LARGE1: variants seen among roughly 807,000 people sequenced by gnomAD.
LARGE1 encodes xylosyl- and glucuronyltransferase LARGE1.
A neutral mutation model predicts 87.6 loss-of-function variants in LARGE1; 43 were observed. The ratio of observed to expected loss-of-function variants is 0.49; its 90% CI spans 0.38 to 0.63. LARGE1 has a LOEUF of 0.63. LARGE1 is among the 30% of genes least tolerant of loss of function. The pLI is 0.00. For synonymous variants in LARGE1, 434 were observed against 394.6 expected (o/e 1.10, Z -1.18); for missense variants, 802 against 1,000.2 (o/e 0.80, Z 2.67).
In LARGE1 at chr22:33,231,411, T is replaced by G. The variant is rs892022629; in HGVS notation, c.1731-64579A>C. Among the ~76,000 whole-genome samples the G allele has an allele frequency of 2.0e-5, 3 of 152,202 alleles. No homozygotes were observed. In the South Asian group the frequency reaches 6.2e-4, roughly 32 times the overall value. On this transcript the variant is annotated intron_variant, in intron 11 of 11. Transcript: ENST00000608642. ...CAATACCTAACTATAGAAATAAAAT[T>G]ATGACACATTTCATAGGGCACTTGA...
intron 6 of LARGE1, among the ~76,000 whole-genome samples, chr22:33,433,907 G>A (rs1437692516): frequency 3.9e-5 from 6 of 152,076 alleles, no homozygotes; most frequent in South Asian, 2.1e-4. Context: ...TAATATATTC[G>A]ATCAATTTTA....
At chr22:33,892,928 T>G (rs1006129098) in intron 1 of LARGE1, among the ~76,000 whole-genome samples, 2 of 152,090 alleles carry the variant, frequency 1.3e-5, no homozygotes, top group African/African-American at 4.8e-5. Flanking sequence ...AAAAGAAAAA[T>G]GCAACACTGC....
chr22:33,585,023 A>G (rs1169774331), intron 5 of LARGE1, among the ~76,000 whole-genome samples: 1 of 152,162 alleles, frequency 6.6e-6, no homozygotes, highest in South Asian at 2.1e-4. Context: ...AGGCTGAGGC[A>G]TGAGAATAGC....
At chr22:33,708,700 A>G (rs181842066) in intron 2 of LARGE1, among the ~76,000 whole-genome samples, 16 of 152,296 alleles carry the variant, frequency 1.1e-4, no homozygotes, top group Non-Finnish European at 1.9e-4. Context: ...TCCCGCGTTC[A>G]AGCGATTCTC....
At chr22:33,523,622 T>C (rs1602246553) in intron 6 of LARGE1, among the ~76,000 whole-genome samples, 2 of 152,202 alleles carry the variant, frequency 1.3e-5, no homozygotes, top group African/African-American at 4.8e-5. Flanking sequence ...AGGAGCCCAG[T>C]AGAGGTTACA....
intron 1 of LARGE1, among the ~76,000 whole-genome samples, chr22:33,793,201 T>G (rs914925312): frequency 2.6e-5 from 4 of 152,164 alleles, no homozygotes; most frequent in African/African-American, 9.7e-5. Context: ...TTCTGAAACT[T>G]TAAAATGTCA....
At chr22:33,469,233 T>C (rs994534718) in intron 6 of LARGE1, among the ~76,000 whole-genome samples, 2 of 152,118 alleles carry the variant, frequency 1.3e-5, no homozygotes, top group East Asian at 1.9e-4. Context: ...CATGCACACA[T>C]AGGTTCACTG....
At chr22:33,578,406 ATTGTGT>A (rs1218842529) in intron 5 of LARGE1, among the ~76,000 whole-genome samples, 1 of 152,176 alleles carries the variant, frequency 6.6e-6, no homozygotes, top group African/African-American at 2.4e-5. Flanking sequence ...CTAAACACTC[ATTGTGT>A]GTGCCAAATT....
chr22:33,239,682 G>T (rs1324405306), intron 11 of LARGE1, among the ~76,000 whole-genome samples: 1 of 151,570 alleles, frequency 6.6e-6, no homozygotes, highest in African/African-American at 2.4e-5. Flanking sequence ...GGGACTACAG[G>T]TGCATGACAC....
intron 6 of LARGE1, among the ~76,000 whole-genome samples, chr22:33,509,610 C>A (rs2070953146): frequency 6.6e-6 from 1 of 151,972 alleles, no homozygotes; most frequent in Admixed American, 6.6e-5. Flanking sequence ...GCCACCATAC[C>A]CAGCTAATTT....
At chr22:33,756,185 A>C (rs2084506751) in intron 2 of LARGE1, among the ~76,000 whole-genome samples, 1 of 152,152 alleles carries the variant, frequency 6.6e-6, no homozygotes, top group East Asian at 1.9e-4. Context: ...TGGATCCAGG[A>C]GGCAATGATG....
intron 1 of LARGE1, among the ~76,000 whole-genome samples, chr22:33,853,696 T>C (rs2063675231): frequency 6.6e-6 from 1 of 152,200 alleles, no homozygotes; most frequent in South Asian, 2.1e-4. Context: ...AAAGTGCCAG[T>C]TCCTTTCCCA....
At chr22:33,848,314 CAG>C (rs1329769641) in intron 1 of LARGE1, among the ~76,000 whole-genome samples, 4 of 152,308 alleles carry the variant, frequency 2.6e-5, no homozygotes, top group Admixed American at 2.6e-4. Flanking sequence ...CTAAAGGACT[CAG>C]TGTGTGAGAA....
chr22:33,705,600 C>G (rs2082538523), intron 2 of LARGE1, among the ~76,000 whole-genome samples: 1 of 152,224 alleles, frequency 6.6e-6, no homozygotes, highest in South Asian at 2.1e-4. Context: ...TTGTCCAAGG[C>G]AATGCAGTTA....
At chr22:33,639,942 C>T (rs1016392833) in intron 3 of LARGE1, among the ~76,000 whole-genome samples, 1 of 152,214 alleles carries the variant, frequency 6.6e-6, no homozygotes, top group African/African-American at 2.4e-5. Flanking sequence ...CTGATGAGGG[C>T]CCGTTGTTCC....
intron 1 of LARGE1, among the ~76,000 whole-genome samples, chr22:33,903,376 C>T (rs1011232805): frequency 6.6e-6 from 1 of 152,120 alleles, no homozygotes; most frequent in African/African-American, 2.4e-5. Context: ...TTAAGCTCCA[C>T]AGTCTATGGT....
the LARGE1 span, among the ~76,000 whole-genome samples, chr22:33,104,045 T>G: frequency 6.6e-6 from 1 of 152,204 alleles, no homozygotes; most frequent in African/African-American, 2.4e-5. Context: ...TGACCCAGTC[T>G]CAGGTATGTC....
At chr22:33,708,481 C>G (rs1039694966) in intron 2 of LARGE1, among the ~76,000 whole-genome samples, 37 of 152,126 alleles carry the variant, frequency 2.4e-4, no homozygotes, top group African/African-American at 8.2e-4. Flanking sequence ...TGTCCTCATA[C>G]TATGTTGCTA....
rs150543393 is a variant in LARGE1 at position 33,526,084 on chromosome 22, C to T, written c.787+38764G>A. 3.4e-3 allele frequency among the ~76,000 whole-genome samples: 513 copies of T among 152,154 alleles called. 5 individuals carry two copies. Among genetic ancestry groups the T allele is most frequent in the South Asian group, 0.021 (102 of 4,814 alleles). On this transcript the variant is annotated intron_variant, in intron 6 of 14. Transcript: ENST00000397394. ...ACAAATGTGGTATATATCCATAAAG[C>T]GGAGTATAATGCGGCCATAAAAAAT...
Sources: allele counts gnomAD v4.1 joint callset (sites outside exome capture counted in the v4.1 genomes callset), GRCh38; gene constraint gnomAD v4.1.1; transcripts MANE v1.5; gene names NCBI Gene and HGNC (gene_info 2026-07-23, HGNC 2026-07-21).